ZCCHC7: variants seen among roughly 807,000 people sequenced by gnomAD.
The protein encoded by ZCCHC7 is zinc finger CCHC-type containing 7, also known as zinc finger CCHC domain-containing protein 7.
In ZCCHC7, 35 loss-of-function variants were observed where a neutral mutation model predicts 52.0. The ratio of observed to expected loss-of-function variants is 0.67; its 90% CI spans 0.51 to 0.89. ZCCHC7 has a LOEUF of 0.89. ZCCHC7 is among the 40% of genes least tolerant of loss of function. The pLI is 0.00. For synonymous variants in ZCCHC7, 217 were observed against 221.5 expected, an observed-to-expected ratio of 0.98 and a Z score of 0.18; for missense variants, 574 against 649.1, an observed-to-expected ratio of 0.88 and a Z score of 1.26.
intron 2 of ZCCHC7, among the ~76,000 whole-genome samples, chr9:37,225,176 C>G (rs978080248): frequency 6.6e-6 from 1 of 152,096 alleles, no homozygotes; most frequent in African/African-American, 2.4e-5. Context: ...AGGAACATCA[C>G]ACAGATCCTA....
At chr9:37,222,990 C>T (rs1353934832) in intron 2 of ZCCHC7, among the ~76,000 whole-genome samples, 1 of 151,940 alleles carries the variant, frequency 6.6e-6, no homozygotes, top group East Asian at 1.9e-4. Flanking sequence ...ATAAAATGAG[C>T]ATTCGTATAC....
At chr9:37,225,645 G>A (rs1216696418) in intron 2 of ZCCHC7, among the ~76,000 whole-genome samples, 1 of 152,130 alleles carries the variant, frequency 6.6e-6, no homozygotes, top group Non-Finnish European at 1.5e-5. Context: ...TGAAAATTAA[G>A]CAACATTATT....
intron 2 of ZCCHC7, among the ~76,000 whole-genome samples, chr9:37,163,683 T>G (rs1007016466): frequency 1.3e-5 from 2 of 152,214 alleles, no homozygotes; most frequent in Non-Finnish European, 2.9e-5. Flanking sequence ...GTTATTAATT[T>G]TGAAGCCCAG....
chr9:37,250,850 G>A (rs1272386890), intron 2 of ZCCHC7, among the ~76,000 whole-genome samples: 1 of 152,194 alleles, frequency 6.6e-6, no homozygotes, highest in Non-Finnish European at 1.5e-5. Flanking sequence ...GAAAGCTTAT[G>A]AGTTACTTTG....
At chr9:37,245,883 T>C (rs1349732607) in intron 2 of ZCCHC7, among the ~76,000 whole-genome samples, 1 of 152,070 alleles carries the variant, frequency 6.6e-6, no homozygotes, top group Non-Finnish European at 1.5e-5. Context: ...TATAATTTGG[T>C]GTGGCTGGAC....
At chr9:37,134,310 A>G (rs995472959) in intron 2 of ZCCHC7, among the ~76,000 whole-genome samples, 10 of 152,070 alleles carry the variant, frequency 6.6e-5, no homozygotes, top group South Asian at 2.1e-4. Flanking sequence ...AGAATTTCCA[A>G]TGGTCTGAAT....
chr9:37,331,017 A>G (rs1038786756), intron 6 of ZCCHC7, among the ~76,000 whole-genome samples: 4 of 151,756 alleles, frequency 2.6e-5, no homozygotes, highest in Non-Finnish European at 4.4e-5. Flanking sequence ...GAAAAGGACA[A>G]TGCATCTTTT....
intron 2 of ZCCHC7, among the ~76,000 whole-genome samples, chr9:37,170,055 A>C (rs1055892874): frequency 6.6e-6 from 1 of 150,418 alleles, no homozygotes; most frequent in Non-Finnish European, 1.5e-5. Flanking sequence ...GTGAGATCCT[A>C]TCTCTTAAAA....
chr9:37,244,755 G>A (rs1316527382), intron 2 of ZCCHC7, among the ~76,000 whole-genome samples: 1 of 151,856 alleles, frequency 6.6e-6, no homozygotes, highest in African/African-American at 2.4e-5. Context: ...ATCAGTGAGG[G>A]CCACTGTGTA....
intron 2 of ZCCHC7, among the ~76,000 whole-genome samples, chr9:37,278,214 C>T (rs547482682): frequency 5.1e-4 from 78 of 152,006 alleles, no homozygotes; most frequent in Non-Finnish European, 9.0e-4. Flanking sequence ...TGGGTGCCAA[C>T]ACAACTGACT....
chr9:37,178,560 G>A (rs1261875761), intron 2 of ZCCHC7, among the ~76,000 whole-genome samples: 3 of 152,146 alleles, frequency 2.0e-5, no homozygotes, highest in Non-Finnish European at 4.4e-5. Flanking sequence ...ATATTTCAAA[G>A]GTTATTGTGA....
At chr9:37,177,255 AAC>A (rs1471687498) in intron 2 of ZCCHC7, among the ~76,000 whole-genome samples, 1 of 152,186 alleles carries the variant, frequency 6.6e-6, no homozygotes, top group Admixed American at 6.5e-5. Context: ...GAATTGCTTG[AAC>A]CTGGGAGGTG....
chr9:37,240,618 A>AT (rs34985945), intron 2 of ZCCHC7, among the ~76,000 whole-genome samples: 4 of 151,908 alleles, frequency 2.6e-5, no homozygotes, highest in South Asian at 4.1e-4. Context: ...CCAAAAGATA[A>AT]TTTTTTTACC....
chr9:37,134,240 A>T (rs1306154025), intron 2 of ZCCHC7, among the ~76,000 whole-genome samples: 1 of 150,000 alleles, frequency 6.7e-6, no homozygotes, highest in Non-Finnish European at 1.5e-5. Flanking sequence ...GGTTCCCCTT[A>T]ATCTCTTCCT....
At chr9:37,282,463 G>T (rs933426009) in intron 2 of ZCCHC7, among the ~76,000 whole-genome samples, 1 of 151,904 alleles carries the variant, frequency 6.6e-6, no homozygotes, top group South Asian at 2.1e-4. Context: ...AAATTAGCCA[G>T]GCGTGGTGGT....
chr9:37,272,758 T>C (rs1827488208), intron 2 of ZCCHC7, among the ~76,000 whole-genome samples: 1 of 152,256 alleles, frequency 6.6e-6, no homozygotes. Flanking sequence ...GCAGACTTAA[T>C]TAGCACTATT....
chr9:37,139,760 A>G (rs1387804732), intron 2 of ZCCHC7, among the ~76,000 whole-genome samples: 3 of 151,994 alleles, frequency 2.0e-5, no homozygotes, highest in Non-Finnish European at 4.4e-5. Context: ...TCAGTGTGAA[A>G]GAATGGATGT....
intron 6 of ZCCHC7, among the ~76,000 whole-genome samples, chr9:37,336,398 A>G (rs541130043): frequency 6.6e-6 from 1 of 152,256 alleles, no homozygotes; most frequent in African/African-American, 2.4e-5. Context: ...AAAGAACATT[A>G]CTTCCCCCTT....
At chr9:37,216,127 T>C (rs1824489526) in intron 2 of ZCCHC7, among the ~76,000 whole-genome samples, 1 of 152,206 alleles carries the variant, frequency 6.6e-6, no homozygotes, top group African/African-American at 2.4e-5. Flanking sequence ...TCCTGTCTTT[T>C]GCTGTAGGTA....
Sources: allele counts gnomAD v4.1 joint callset (sites outside exome capture counted in the v4.1 genomes callset), GRCh38; gene constraint gnomAD v4.1.1; transcripts MANE v1.5; gene names NCBI Gene and HGNC (gene_info 2026-07-23, HGNC 2026-07-21).